Variants in LEKR1 observed in about 807,000 individuals in gnomAD.
LEKR1 encodes the protein protein LEKR1.
Under a neutral mutation model 72.4 loss-of-function variants are expected in LEKR1, and 59 were observed. That is an observed-to-expected ratio of 0.82 (90% CI 0.66 to 1.01). The LOEUF is 1.01. Ranked by LOEUF, LEKR1 falls within the 50% of genes least tolerant of loss-of-function variation. The pLI is 0.00. For missense variants in LEKR1, 728 were observed against 759.2 expected, an observed-to-expected ratio of 0.96 and a Z score of 0.48; for synonymous variants, 257 against 263.2, an observed-to-expected ratio of 0.98 and a Z score of 0.23.
At chr3:156,996,020 T>G (rs1436558107) in intron 9 of LEKR1, among the ~76,000 whole-genome samples, 3 of 152,068 alleles carry the variant, frequency 2.0e-5, no homozygotes, top group Non-Finnish European at 4.4e-5. Context: ...ATTTGTTGCA[T>G]GAGTGAATGA....
intron 1 of LEKR1, among the ~76,000 whole-genome samples, chr3:156,829,001 A>G (rs895083897): frequency 1.3e-5 from 2 of 151,848 alleles, no homozygotes; most frequent in African/African-American, 4.9e-5. Context: ...TTGAAAAACA[A>G]TTAGTAGTAA....
At chr3:156,948,384 T>C (rs1726863958) in intron 6 of LEKR1, among the ~76,000 whole-genome samples, 2 of 151,212 alleles carry the variant, frequency 1.3e-5, no homozygotes, top group Admixed American at 1.3e-4. Flanking sequence ...TCATATTAAT[T>C]CTACAGTAGA....
At chr3:156,920,130 A>G (rs1247584271) in intron 3 of LEKR1, among the ~76,000 whole-genome samples, 1 of 152,140 alleles carries the variant, frequency 6.6e-6, no homozygotes, top group African/African-American at 2.4e-5. Context: ...AGAATCATGA[A>G]CAAAGTAAAC....
chr3:156,828,342 C>T (rs192571268), intron 1 of LEKR1, among the ~76,000 whole-genome samples: 4 of 152,302 alleles, frequency 2.6e-5, no homozygotes, highest in African/African-American at 9.6e-5. Context: ...CTTTGCTTCT[C>T]CAGTCTCTTG....
In LEKR1 at chr3:157,016,054, C is replaced by CA. The variant is rs758236255; in HGVS notation, c.1203+4556dup. Among the ~76,000 whole-genome samples, 32 of 151,034 alleles carry CA rather than the reference C, an allele frequency of 2.1e-4. 1 individual carries two copies. The highest frequency in any genetic ancestry group is 3.9e-4 in the East Asian group (2 of 5,164). On this transcript the variant is annotated intron_variant, in intron 10 of 12. Transcript: ENST00000356539. ...GAATAGACTCCAAAACAAAAACAAA[C>CA]AAAAAAAACCTCAGAAAGAACATCA...
intron 3 of LEKR1, among the ~76,000 whole-genome samples, chr3:156,890,709 A>G (rs1720560204): frequency 6.6e-6 from 1 of 152,112 alleles, no homozygotes; most frequent in African/African-American, 2.4e-5. Flanking sequence ...TATTTACCAG[A>G]CAACTGAGAC....
chr3:156,871,945 G>A (rs1265977229), intron 3 of LEKR1, among the ~76,000 whole-genome samples: 2 of 151,988 alleles, frequency 1.3e-5, no homozygotes, highest in Admixed American at 6.6e-5. Flanking sequence ...GGTAATGTTG[G>A]TCTCATAGAA....
At chr3:157,020,378 T>G (rs1179481164) in intron 10 of LEKR1, among the ~76,000 whole-genome samples, 2 of 145,084 alleles carry the variant, frequency 1.4e-5, no homozygotes, top group Non-Finnish European at 3.0e-5. Flanking sequence ...GCTGCACCCA[T>G]TAACTCGTCA....
intron 6 of LEKR1, among the ~76,000 whole-genome samples, chr3:156,973,165 C>T (rs865784685): frequency 2.0e-4 from 31 of 152,064 alleles, no homozygotes; most frequent in South Asian, 4.2e-4. Context: ...CTAAAGTCTG[C>T]GAAGTTTTAT....
At chr3:156,888,453 T>C in intron 3 of LEKR1, 1 of 686,926 alleles carries the variant, frequency 1.5e-6, no homozygotes, top group East Asian at 2.7e-5. Context: ...GCAAAATAAA[T>C]ATTTTTTTGA....
At chr3:156,840,267 G>A (rs7638625) in intron 2 of LEKR1, among the ~76,000 whole-genome samples, 74,637 of 151,828 alleles carry the variant, frequency 0.49, 20,580 homozygotes, top group East Asian at 0.73. Flanking sequence ...GGGGAGGTTC[G>A]CACCCCTAAT....
intron 5 of LEKR1, among the ~76,000 whole-genome samples, chr3:156,934,729 C>T (rs754266989): frequency 1.3e-5 from 2 of 151,894 alleles, no homozygotes; most frequent in Non-Finnish European, 2.9e-5. Context: ...TGACATAAGT[C>T]ATCTGTAATA....
chr3:157,034,434 A>G (rs1734826492), intron 12 of LEKR1, among the ~76,000 whole-genome samples: 1 of 152,210 alleles, frequency 6.6e-6, no homozygotes, highest in African/African-American at 2.4e-5. Context: ...TTGAAGGTTT[A>G]AAACTTCAGT....
chr3:156,827,115 A>T (rs1251281482), intron 1 of LEKR1: 1 of 152,334 alleles, frequency 6.6e-6, no homozygotes, highest in Admixed American at 6.5e-5. Flanking sequence ...ACTATGTAAG[A>T]CTAAATTTAA....
intron 12 of LEKR1, among the ~76,000 whole-genome samples, chr3:157,036,962 A>C (rs1329514095): frequency 6.6e-6 from 1 of 152,212 alleles, no homozygotes; most frequent in African/African-American, 2.4e-5. Context: ...GCAAGGAAGA[A>C]AATGTCATCT....
chr3:157,037,320 A>C (rs1464523319), intron 12 of LEKR1, among the ~76,000 whole-genome samples: 1 of 152,154 alleles, frequency 6.6e-6, no homozygotes, highest in Non-Finnish European at 1.5e-5. Flanking sequence ...TTTACTTTTT[A>C]GCTATATGTA....
intron 12 of LEKR1, among the ~76,000 whole-genome samples, chr3:157,037,753 G>T (rs774740519): frequency 6.6e-6 from 1 of 152,086 alleles, no homozygotes; most frequent in Non-Finnish European, 1.5e-5. Context: ...AAATAAATCA[G>T]GGTAAAAGGG....
rs1576664911 is a variant in LEKR1, at chr3:156,852,702, T to A, written c.49-66T>A. The A allele has an allele frequency of 1.1e-5, 8 of 748,064 alleles. No homozygotes were observed. The East Asian group carries it at 2.2e-4, about 20-fold the overall frequency. 46.3% of individuals were successfully genotyped at this position (748,064 alleles called of 1,614,324 possible). A position where few individuals can be genotyped will look rare whatever the true frequency, so the allele number is the denominator to read the frequency against. On this transcript the variant is annotated intron_variant, in intron 2 of 12. Coordinates refer to ENST00000356539, the MANE Select transcript of LEKR1 (RefSeq NM_001004316.3). The stretch of plus-strand genomic sequence containing the variant: ...CTTCATTCAACCAGCATGGCTACAA[T>A]ATCTTCAGTTGAACTTGTTTTTTCA...
chr3:156,959,154 C>T (rs1727900886), intron 6 of LEKR1, among the ~76,000 whole-genome samples: 1 of 152,124 alleles, frequency 6.6e-6, no homozygotes, highest in African/African-American at 2.4e-5. Context: ...AATATCTTCT[C>T]CCCAGATAAA....
Sources: allele counts gnomAD v4.1 joint callset (sites outside exome capture counted in the v4.1 genomes callset), GRCh38; gene constraint gnomAD v4.1.1; transcripts MANE v1.5; gene names NCBI Gene and HGNC (gene_info 2026-07-23, HGNC 2026-07-21).